The following TCF7L2 variants were observed in gnomAD, a reference collection of about 807,000 sequenced individuals.
The protein encoded by TCF7L2 is transcription factor 7 like 2, also known as transcription factor 7-like 2.
TCF7L2 carries 23 observed loss-of-function variants against 77.9 expected under a neutral mutation model. The observed-to-expected ratio is 0.30, with a 90% CI of 0.21 to 0.42. The LOEUF (loss-of-function observed/expected upper bound fraction) is 0.42. Among genes scored for constraint, TCF7L2 ranks in the 10% least tolerant of loss-of-function variants. TCF7L2 has a pLI of 1.00. For synonymous variants in TCF7L2, 413 were observed against 340.2 expected (o/e 1.21, Z -2.36); for missense variants, 654 against 793.1 (o/e 0.82, Z 2.11).
Position 112,965,971 on chromosome 10 carries a change from C to T in TCF7L2, c.450+1347C>T, listed in dbSNP as rs1398880665. On this transcript the variant is annotated intron_variant, in intron 4 of 13. Coordinates refer to ENST00000627217, the MANE Select transcript of TCF7L2 (RefSeq NM_001146274.2). ...GGCGGATCACTTGAGGTCAGGAGTT[C>T]GAGACCAGCCTGGCCAACATGGTGA... Among the ~76,000 whole-genome samples the T allele has an allele frequency of 2.0e-5, 3 of 151,404 alleles. No homozygotes were observed. The East Asian group carries it at 5.8e-4, about 29-fold the overall frequency.
intron 5 of TCF7L2, among the ~76,000 whole-genome samples, chr10:113,050,264 C>A (rs139988434): frequency 6.6e-6 from 1 of 152,060 alleles, no homozygotes; most frequent in Non-Finnish European, 1.5e-5. Context: ...ACAAGGACAC[C>A]GTCTGTGTTG....
At chr10:113,131,197 T>C (rs2066549384) in intron 5 of TCF7L2, among the ~76,000 whole-genome samples, 1 of 152,224 alleles carries the variant, frequency 6.6e-6, no homozygotes, top group Non-Finnish European at 1.5e-5. Context: ...CGATAAGCTC[T>C]TCCATCCAAT....
At chr10:113,036,369 G>T (rs1045639402) in intron 4 of TCF7L2, among the ~76,000 whole-genome samples, 1 of 152,026 alleles carries the variant, frequency 6.6e-6, no homozygotes, top group Non-Finnish European at 1.5e-5. Flanking sequence ...TTTCCTAAAG[G>T]AGCCTCTCCT....
chr10:112,973,538 C>T (rs2038743043), intron 4 of TCF7L2, among the ~76,000 whole-genome samples: 1 of 152,148 alleles, frequency 6.6e-6, no homozygotes, highest in South Asian at 2.1e-4. Context: ...CTAATGCACA[C>T]AGTCACACTA....
chr10:113,157,093 C>A (rs1459488684), intron 11 of TCF7L2, among the ~76,000 whole-genome samples: 2 of 152,186 alleles, frequency 1.3e-5, no homozygotes, highest in African/African-American at 4.8e-5. Flanking sequence ...TACAGATGTC[C>A]ACTCAGCAGG....
intron 13 of TCF7L2, chr10:113,161,269 T>G: frequency 2.4e-6 from 1 of 423,804 alleles, no homozygotes; most frequent in Non-Finnish European, 4.2e-6. Flanking sequence ...TTGAACGGCA[T>G]GCACCAGCTA....
At chr10:113,017,255 G>A (rs1368259056) in intron 4 of TCF7L2, among the ~76,000 whole-genome samples, 2 of 152,196 alleles carry the variant, frequency 1.3e-5, no homozygotes, top group African/African-American at 2.4e-5. Flanking sequence ...AATATCTGGG[G>A]CAGAGCCTGA....
intron 5 of TCF7L2, among the ~76,000 whole-genome samples, chr10:113,108,419 T>C (rs1341642176): frequency 1.3e-5 from 2 of 150,094 alleles, no homozygotes; most frequent in Non-Finnish European, 1.5e-5. Flanking sequence ...CAATCGCTCA[T>C]GGTGGGGGAT....
At chr10:113,089,321 C>T in intron 5 of TCF7L2, 1 of 1,497,406 alleles carries the variant, frequency 6.7e-7, no homozygotes, top group Non-Finnish European at 9.0e-7. Flanking sequence ...GAAAGGAAGG[C>T]TGGGGGCTGT....
chr10:113,000,832 C>T (rs2044333453), intron 4 of TCF7L2, among the ~76,000 whole-genome samples: 1 of 152,146 alleles, frequency 6.6e-6, no homozygotes, highest in African/African-American at 2.4e-5. Context: ...GGACAGGCAC[C>T]TTAATTTTTC....
intron 5 of TCF7L2, among the ~76,000 whole-genome samples, chr10:113,124,150 G>T: frequency 6.6e-6 from 1 of 151,818 alleles, no homozygotes; most frequent in East Asian, 1.9e-4. Flanking sequence ...AGGGTGTAAA[G>T]ATACAGAGTT....
chr10:113,126,775 C>G, intron 5 of TCF7L2: 1 of 985,348 alleles, frequency 1.0e-6, no homozygotes, highest in Non-Finnish European at 1.2e-6. Context: ...GGGTGCTGCC[C>G]TCCAGTGGAG....
At chr10:113,002,441 G>A (rs1462136205) in intron 4 of TCF7L2, among the ~76,000 whole-genome samples, 1 of 152,168 alleles carries the variant, frequency 6.6e-6, no homozygotes, top group African/African-American at 2.4e-5. Flanking sequence ...GGCTAAGGAT[G>A]CTATTGAACA....
intron 4 of TCF7L2, among the ~76,000 whole-genome samples, chr10:113,028,383 C>T (rs1345069000): frequency 6.6e-6 from 1 of 152,036 alleles, no homozygotes; most frequent in African/African-American, 2.4e-5. Flanking sequence ...GGGGTTTGTT[C>T]CTCCCCAAGC....
At chr10:112,966,418 T>A (rs10885399) in intron 4 of TCF7L2, among the ~76,000 whole-genome samples, 53,681 of 151,078 alleles carry the variant, frequency 0.36, 12,625 homozygotes, top group East Asian at 0.68. Context: ...ATAGTAAGTC[T>A]TGCTCCCAGA....
chr10:113,089,680 C>A (rs2060171597), intron 5 of TCF7L2: 3 of 1,152,366 alleles, frequency 2.6e-6, no homozygotes, highest in Non-Finnish European at 1.2e-6. Flanking sequence ...ATTTTGGGTG[C>A]CATGATGTCT....
chr10:112,961,781 G>A (rs2035294949), intron 3 of TCF7L2, among the ~76,000 whole-genome samples: 1 of 151,564 alleles, frequency 6.6e-6, no homozygotes, highest in Admixed American at 6.6e-5. Flanking sequence ...TTTGTGAGCT[G>A]GGTGAGGTTT....
In TCF7L2 at chr10:113,077,702, C is replaced by CTTTT. The variant is rs34093384; in HGVS notation, c.552+37589_552+37592dup. Among the ~76,000 whole-genome samples, 81 of 134,082 alleles carry CTTTT rather than the reference C, an allele frequency of 6.0e-4. 2 individuals carry two copies. Among genetic ancestry groups the CTTTT allele is most frequent in the African/African-American group, 2.0e-3 (73 of 36,474 alleles). The allele number at this position is 134,082 out of a possible 152,430, so 88.0% of individuals were successfully genotyped here. ...CATAATTTCTTTCTTTTCTTTTCTT[C>CTTTT]TTTTTTTTTTTTTTTTGAGATAGAG... On this transcript the variant is annotated intron_variant, in intron 5 of 13. Coordinates refer to ENST00000627217, the MANE Select transcript of TCF7L2 (RefSeq NM_001146274.2).
intron 5 of TCF7L2, among the ~76,000 whole-genome samples, chr10:113,053,666 T>C (rs2054847609): frequency 6.6e-6 from 1 of 152,228 alleles, no homozygotes. Flanking sequence ...AAGCCTCATT[T>C]TGATCGTTAC....
Sources: allele counts gnomAD v4.1 joint callset (sites outside exome capture counted in the v4.1 genomes callset), GRCh38; gene constraint gnomAD v4.1.1; transcripts MANE v1.5; gene names NCBI Gene and HGNC (gene_info 2026-07-23, HGNC 2026-07-21).